Variants in KIAA1671 observed in about 807,000 individuals in gnomAD.
The protein encoded by KIAA1671 is uncharacterized protein KIAA1671.
In KIAA1671, 52 loss-of-function variants were observed where a neutral mutation model predicts 131.2. That is an observed-to-expected ratio of 0.40 (90% CI 0.32 to 0.50). KIAA1671 has a LOEUF of 0.50. Ranked by LOEUF, KIAA1671 falls within the 20% of genes least tolerant of loss-of-function variation. The probability of loss-of-function intolerance (pLI) is 0.73; values close to 1 mark genes in which losing one functional copy is unlikely to be tolerated. For synonymous variants in KIAA1671, 1,003 were observed against 961.6 expected, an observed-to-expected ratio of 1.04 and a Z score of -0.80; for missense variants, 2,360 against 2,364.2, an observed-to-expected ratio of 1.00 and a Z score of 0.04.
At chr22:25,135,933 C>G (rs531682154) in intron 6 of KIAA1671, among the ~76,000 whole-genome samples, 1 of 152,216 alleles carries the variant, frequency 6.6e-6, no homozygotes, top group Non-Finnish European at 1.5e-5. Context: ...AGCCACCCTG[C>G]GAGGTAGGTA....
At chr22:25,161,502 G>T (rs879456630) in intron 6 of KIAA1671, among the ~76,000 whole-genome samples, 6 of 152,220 alleles carry the variant, frequency 3.9e-5, no homozygotes, top group Non-Finnish European at 8.8e-5. Flanking sequence ...GGATCGCGTG[G>T]CCAAATCAGA....
intron 6 of KIAA1671, among the ~76,000 whole-genome samples, chr22:25,149,020 T>C (rs9612876): frequency 0.11 from 16,155 of 152,200 alleles, 928 homozygotes; most frequent in East Asian, 0.16. Context: ...TGTCTCCTGC[T>C]GGTTTCAAAG....
In KIAA1671 at chr22:25,130,657, G is replaced by A. The variant is rs7288606; in HGVS notation, c.4531-40163G>A. On this transcript the variant is annotated intron_variant, in intron 6 of 12. Transcript: ENST00000358431. ...AAGGGTGAGGAATCGTAAACATCTAGATGAGTTCTACACTCCCTGCTTCCT... is the reference window on the plus strand; with the variant it reads ...AAGGGTGAGGAATCGTAAACATCTAAATGAGTTCTACACTCCCTGCTTCCT... Among the ~76,000 whole-genome samples, 145 of 152,130 alleles carry A rather than the reference G, an allele frequency of 9.5e-4. 1 individual carries two copies. The highest frequency in any genetic ancestry group is 3.4e-3 in the African/African-American group (143 of 41,480).
intron 6 of KIAA1671, chr22:25,052,701 C>T (rs1927603454): frequency 6.6e-6 from 1 of 151,932 alleles, no homozygotes; most frequent in South Asian, 2.1e-4. Context: ...AATGGCTTCA[C>T]AAATCATAGC....
chr22:25,029,499 G>A lies in KIAA1671; in HGVS notation c.1500G>A (p.Arg500=). 6.5e-7 allele frequency: 1 copy of A among 1,550,288 alleles called. No individual in the cohort carries two copies. The highest frequency in any genetic ancestry group is 1.2e-5 in the South Asian group (1 of 84,004). The part of the protein sequence containing the change: ...SSEAKPEVRR[R]TFQARPLSAD... ...AGGCTAAGCCCGAGGTCAGGAGGAGGACGTTCCAGGCTCGGCCGCTGTCGG... is the reference window on the plus strand; with the variant it reads ...AGGCTAAGCCCGAGGTCAGGAGGAGAACGTTCCAGGCTCGGCCGCTGTCGG... The change falls in exon 3 of 13, where the codon AGG becomes AGA. Residue 500 remains arginine (R), a synonymous_variant. Coordinates refer to ENST00000358431, the MANE Select transcript of KIAA1671 (RefSeq NM_001145206.2).
At chr22:25,007,243 T>G (rs1651551958) in intron 1 of KIAA1671, among the ~76,000 whole-genome samples, 2 of 152,060 alleles carry the variant, frequency 1.3e-5, no homozygotes, top group African/African-American at 4.8e-5. Flanking sequence ...ATCCCAGCAC[T>G]TTGGGAGGCC....
chr22:25,128,635 A>G (rs946860332), intron 6 of KIAA1671, among the ~76,000 whole-genome samples: 1 of 151,602 alleles, frequency 6.6e-6, no homozygotes, highest in Non-Finnish European at 1.5e-5. Context: ...CACTCCCCTA[A>G]TTGGTACCCT....
intron 6 of KIAA1671, among the ~76,000 whole-genome samples, chr22:25,144,503 T>C (rs62233193): frequency 6.6e-6 from 1 of 152,184 alleles, no homozygotes; most frequent in African/African-American, 2.4e-5. Context: ...CATTTTCTTA[T>C]TGAGGCCACA....
chr22:24,967,962 C>T (rs897102969), intron 1 of KIAA1671, among the ~76,000 whole-genome samples: 2 of 152,094 alleles, frequency 1.3e-5, no homozygotes, highest in South Asian at 4.1e-4. Context: ...CACTGCACTC[C>T]AGCCTGGGCG....
intron 4 of KIAA1671, among the ~76,000 whole-genome samples, chr22:25,033,580 T>TTTTTC (rs1555956632): frequency 8.6e-6 from 1 of 116,184 alleles, no homozygotes; most frequent in Non-Finnish European, 1.8e-5. Flanking sequence ...TTTCGTTTTT[T>TTTTTC]TTTTTTTTTT....
chr22:25,180,931 G>A (rs753823361), intron 9 of KIAA1671, among the ~76,000 whole-genome samples: 1 of 152,206 alleles, frequency 6.6e-6, no homozygotes, highest in African/African-American at 2.4e-5. Flanking sequence ...CTGGAACGTG[G>A]CAGCAGCACC....
At chr22:25,059,481 CA>C (rs5844619) in intron 6 of KIAA1671, 52,336 of 99,072 alleles carry the variant, frequency 0.53, 11,118 homozygotes, top group Middle Eastern at 0.64. Flanking sequence ...GACTCCATCT[CA>C]AAAAAAAAAA....
intron 5 of KIAA1671, among the ~76,000 whole-genome samples, chr22:25,043,388 A>G (rs1328474212): frequency 6.6e-6 from 1 of 152,162 alleles, no homozygotes; most frequent in Non-Finnish European, 1.5e-5. Context: ...GATGGGGGGA[A>G]AAAAACAGAG....
At chr22:25,137,483 G>A (rs371974800) in intron 6 of KIAA1671, among the ~76,000 whole-genome samples, 3 of 152,282 alleles carry the variant, frequency 2.0e-5, no homozygotes, top group South Asian at 2.1e-4. Flanking sequence ...CCCTCAGTTC[G>A]GGAGAATTAC....
At chr22:25,085,815 GAGGA>G (rs1323046248) in intron 6 of KIAA1671, among the ~76,000 whole-genome samples, 10 of 151,672 alleles carry the variant, frequency 6.6e-5, no homozygotes, top group African/African-American at 2.2e-4. Flanking sequence ...GGGAGGAAGG[GAGGA>G]AGGCTGTTCA....
intron 1 of KIAA1671, among the ~76,000 whole-genome samples, chr22:25,000,638 TCCC>T (rs1181118823): frequency 6.6e-6 from 1 of 151,936 alleles, no homozygotes; most frequent in African/African-American, 2.4e-5. Flanking sequence ...TGCCTCAGCC[TCCC>T]AAGTAGCTGA....
intron 5 of KIAA1671, among the ~76,000 whole-genome samples, chr22:25,046,620 C>G (rs966286201): frequency 5.9e-5 from 9 of 152,184 alleles, no homozygotes; most frequent in African/African-American, 2.2e-4. Flanking sequence ...ACATTTCTTC[C>G]ACCCGGTAAT....
chr22:25,128,942 G>A (rs532577395), intron 6 of KIAA1671, among the ~76,000 whole-genome samples: 1 of 152,316 alleles, frequency 6.6e-6, no homozygotes, highest in South Asian at 2.1e-4. Flanking sequence ...GCAGTACCGG[G>A]TGCATTTGCA....
At chr22:24,992,431 G>C (rs1362246717) in intron 1 of KIAA1671, among the ~76,000 whole-genome samples, 1 of 152,178 alleles carries the variant, frequency 6.6e-6, no homozygotes, top group African/African-American at 2.4e-5. Context: ...CTGCCTGACT[G>C]AACACTGGCC....
Sources: allele counts gnomAD v4.1 joint callset (sites outside exome capture counted in the v4.1 genomes callset), GRCh38; gene constraint gnomAD v4.1.1; transcripts MANE v1.5; gene names NCBI Gene and HGNC (gene_info 2026-07-23, HGNC 2026-07-21).